KIAA0825: variants seen among roughly 807,000 people sequenced by gnomAD.
The protein encoded by KIAA0825 is uncharacterized protein KIAA0825.
KIAA0825 carries 119 observed loss-of-function variants against 147.6 expected under a neutral mutation model. The observed-to-expected ratio is 0.81, with a 90% CI of 0.69 to 0.94. The LOEUF (loss-of-function observed/expected upper bound fraction) is 0.94, where lower values mean the gene tolerates loss of function less well. Ranked by LOEUF, KIAA0825 falls within the 40% of genes least tolerant of loss-of-function variation. The pLI, the probability that KIAA0825 is intolerant of heterozygous loss-of-function variation, is 0.00. For synonymous variants in KIAA0825, 470 were observed against 518.1 expected, an observed-to-expected ratio of 0.91 and a Z score of 1.26; for missense variants, 1,381 against 1,472.7, an observed-to-expected ratio of 0.94 and a Z score of 1.02.
intron 5 of KIAA0825, among the ~76,000 whole-genome samples, chr5:94,507,853 T>C (rs528206999): frequency 1.3e-5 from 2 of 152,306 alleles, no homozygotes; most frequent in East Asian, 3.9e-4. Context: ...ATGTGGAAAT[T>C]TTGAAGTAAA....
At chr5:94,346,277 T>C (rs1438883703) in intron 20 of KIAA0825, among the ~76,000 whole-genome samples, 1 of 152,178 alleles carries the variant, frequency 6.6e-6, no homozygotes, top group East Asian at 1.9e-4. Context: ...TATTTTCTTA[T>C]GTTAATTGAT....
intron 20 of KIAA0825, among the ~76,000 whole-genome samples, chr5:94,265,630 C>T (rs1039990984): frequency 3.3e-5 from 5 of 152,136 alleles, no homozygotes; most frequent in African/African-American, 1.2e-4. Context: ...GAAACCCTGT[C>T]TCTAGTAAAA....
Position 94,267,561 on chromosome 5 carries a change from G to A in KIAA0825, c.3711-113437C>T, listed in dbSNP as rs183316817. Among the ~76,000 whole-genome samples the A allele has an allele frequency of 2.0e-3, 306 of 152,282 alleles. 2 individuals carry two copies. The highest frequency in any genetic ancestry group is 0.015 in the Admixed American group (225 of 15,282). ...AAGTTAATCACACCCAAGAGAGTTA[G>A]TGGTTAAAATTACAACTTTTCATAT... On this transcript the variant is annotated intron_variant, in intron 20 of 20. Transcript: ENST00000682413.
At chr5:94,537,865 T>C (rs1226429251) in intron 2 of KIAA0825, among the ~76,000 whole-genome samples, 2 of 152,142 alleles carry the variant, frequency 1.3e-5, no homozygotes. Flanking sequence ...TTTTTGAAGC[T>C]TCACCCCACT....
At chr5:94,351,989 G>GA (rs1393657188) in intron 20 of KIAA0825, among the ~76,000 whole-genome samples, 5 of 152,220 alleles carry the variant, frequency 3.3e-5, no homozygotes, top group African/African-American at 7.2e-5. Context: ...GATAACATTG[G>GA]AAAAAACCCT....
At chr5:94,201,734 G>A (rs550813614) in intron 20 of KIAA0825, among the ~76,000 whole-genome samples, 5 of 152,112 alleles carry the variant, frequency 3.3e-5, no homozygotes, top group African/African-American at 1.2e-4. Context: ...TTAAAGCTCA[G>A]TAAGGAAAAC....
At position 94,553,180 on chromosome 5, in the gene KIAA0825, T is replaced by C. The variant is rs1775859798; in HGVS notation, c.-1-16053A>G. Among the ~76,000 whole-genome samples, 9 of 152,326 alleles carry C rather than the reference T, an allele frequency of 5.9e-5. No individual in the cohort carries two copies. The South Asian group carries it at 1.9e-3, about 32-fold the overall frequency. On this transcript the variant is annotated intron_variant, in intron 2 of 20. Transcript: ENST00000682413. ...AAGGCTGGGCGGAGTGACTCACGCCTGTAATCCCAGTACTTTGGGAGGCGG... is the reference window on the plus strand; with the variant it reads ...AAGGCTGGGCGGAGTGACTCACGCCCGTAATCCCAGTACTTTGGGAGGCGG...
intron 3 of KIAA0825, 55 bp from the exon 4 acceptor site, chr5:94,524,153 T>G: frequency 8.6e-7 from 1 of 1,167,018 alleles, no homozygotes; most frequent in Non-Finnish European, 1.2e-6. Flanking sequence ...ATGGCTTCAT[T>G]TCATAATATC....
chr5:94,482,068 C>CATT (rs1347428732), intron 6 of KIAA0825, among the ~76,000 whole-genome samples: 1 of 152,064 alleles, frequency 6.6e-6, no homozygotes, highest in African/African-American at 2.4e-5. Context: ...AATGTCCTAT[C>CATT]ATTTTTTGAA....
chr5:94,197,613 T>G (rs1034482999), intron 20 of KIAA0825, among the ~76,000 whole-genome samples: 5 of 152,212 alleles, frequency 3.3e-5, no homozygotes, highest in Non-Finnish European at 7.3e-5. Context: ...AGGTCTTACA[T>G]TTAAGTCTTT....
intron 12 of KIAA0825, among the ~76,000 whole-genome samples, chr5:94,454,832 T>C (rs1431524084): frequency 6.6e-6 from 1 of 152,110 alleles, no homozygotes; most frequent in Non-Finnish European, 1.5e-5. Flanking sequence ...GATAAGACAC[T>C]GAACCAAGGT....
At chr5:94,603,473 A>G (rs2152423271) in intron 1 of KIAA0825, among the ~76,000 whole-genome samples, 1 of 152,344 alleles carries the variant, frequency 6.6e-6, no homozygotes, top group South Asian at 2.1e-4. Context: ...ACAAAAACAC[A>G]CTAACGTACA....
At chr5:94,390,397 A>G (rs898462297) in intron 18 of KIAA0825, among the ~76,000 whole-genome samples, 1 of 152,218 alleles carries the variant, frequency 6.6e-6, no homozygotes, top group Non-Finnish European at 1.5e-5. Context: ...ACTTTGCAAT[A>G]GAGGTCTTTC....
chr5:94,165,510 A>G (rs1407960468), intron 20 of KIAA0825, among the ~76,000 whole-genome samples: 1 of 152,234 alleles, frequency 6.6e-6, no homozygotes, highest in Non-Finnish European at 1.5e-5. Context: ...TGCTGGGTAT[A>G]TACCCAAAGG....
intron 20 of KIAA0825, among the ~76,000 whole-genome samples, chr5:94,312,743 G>A (rs1232445303): frequency 6.6e-6 from 1 of 151,572 alleles, no homozygotes; most frequent in East Asian, 1.9e-4. Flanking sequence ...CTAAAAATTT[G>A]TTTTTCAATG....
At chr5:94,217,299 A>G (rs1007484050) in intron 20 of KIAA0825, among the ~76,000 whole-genome samples, 2 of 152,154 alleles carry the variant, frequency 1.3e-5, no homozygotes, top group African/African-American at 4.8e-5. Flanking sequence ...TAGTGAAAAA[A>G]CTTAGCAAGA....
intron 20 of KIAA0825, among the ~76,000 whole-genome samples, chr5:94,224,257 C>T (rs955442613): frequency 6.6e-6 from 1 of 151,334 alleles, no homozygotes; most frequent in Non-Finnish European, 1.5e-5. Flanking sequence ...CCACCATGCC[C>T]AGCTAATTTT....
At chr5:94,465,396 T>C (rs1218481662) in intron 10 of KIAA0825, among the ~76,000 whole-genome samples, 2 of 152,210 alleles carry the variant, frequency 1.3e-5, no homozygotes, top group African/African-American at 4.8e-5. Context: ...TTTAAGATAG[T>C]GGACTGATTC....
chr5:94,509,397 A>G (rs1371690348), intron 5 of KIAA0825, among the ~76,000 whole-genome samples: 1 of 152,186 alleles, frequency 6.6e-6, no homozygotes, highest in Non-Finnish European at 1.5e-5. Context: ...AGTTATGGTC[A>G]TAAATGTAAA....
Sources: gnomAD v4.1 joint callset for allele counts (sites outside exome capture counted in the v4.1 genomes callset) on GRCh38, gnomAD v4.1.1 for gene constraint, MANE v1.5 for transcripts, NCBI Gene and HGNC (gene_info 2026-07-23, HGNC 2026-07-21) for gene names.